The following KPNA7 variants were observed in gnomAD, a reference collection of about 807,000 sequenced individuals.
The protein encoded by KPNA7 is karyopherin subunit alpha 7, also known as importin subunit alpha-8.
In KPNA7, 54 loss-of-function variants were observed where a neutral mutation model predicts 53.7. The observed-to-expected ratio is 1.01, with a 90% CI of 0.81 to 1.26. The LOEUF (loss-of-function observed/expected upper bound fraction) is 1.26. Among genes scored for constraint, KPNA7 ranks in the 50% most tolerant of loss-of-function variants. The pLI is 0.00. For synonymous variants in KPNA7, 276 were observed against 259.3 expected (o/e 1.06, Z -0.62); for missense variants, 640 against 644.5 (o/e 0.99, Z 0.07).
In KPNA7 at chr7:99,181,023, G is replaced by GTCTCTCTC. The variant is rs1554462254; in HGVS notation, c.1317+859_1317+860insGAGAGAGA. Among the ~76,000 whole-genome samples, 4 of 3,350 alleles carry GTCTCTCTC rather than the reference G, an allele frequency of 1.2e-3. 1 individual carries two copies. Among genetic ancestry groups the GTCTCTCTC allele is most frequent in the Admixed American group, 5.9e-3 (2 of 338 alleles). The allele number at this position is 3,350 out of a possible 152,430, so 2.2% of individuals were successfully genotyped here. A position where few individuals can be genotyped will look rare whatever the true frequency, so the allele number is the denominator to read the frequency against. ...TCTGTCTCTCTCTCTCTGTGTGTGT[G>GTCTCTCTC]TCTCTCTGTGTGTGTCTCTCTCTCT... On this transcript the variant is annotated intron_variant, in intron 9 of 10. Transcript: ENST00000327442.
intron 1 of KPNA7, among the ~76,000 whole-genome samples, chr7:99,215,569 C>T (rs1364931762): frequency 2.0e-5 from 3 of 149,736 alleles, no homozygotes; most frequent in East Asian, 4.0e-4. Flanking sequence ...GCAAACCCAG[C>T]GGCAGAGCAG....
At chr7:99,147,148 A>G in the KPNA7 span, among the ~76,000 whole-genome samples, 2 of 152,320 alleles carry the variant, frequency 1.3e-5, no homozygotes, top group East Asian at 3.9e-4. Flanking sequence ...TACAAAATAA[A>G]TCTATTACAG....
At chr7:99,162,798 C>T in the KPNA7 span, among the ~76,000 whole-genome samples, 2 of 152,250 alleles carry the variant, frequency 1.3e-5, no homozygotes, top group African/African-American at 2.4e-5. Flanking sequence ...CACCTTTCCA[C>T]CTCCCTTCAA....
Position 99,187,799 on chromosome 7 carries a change from TAAAAAAAAAAAAAAAA to T in KPNA7, c.900+485_900+500del, listed in dbSNP as rs55867906. On this transcript the variant is annotated intron_variant, in intron 7 of 10. Coordinates refer to ENST00000327442, the MANE Select transcript of KPNA7 (RefSeq NM_001145715.3). ...AGCCACCGTGCCCGGCCTTTTTTTT[TAAAAAAAAAAAAAAAA>T]AAAAAAAAAAAAAAAAAAAACCCAC... 8.6e-4 allele frequency among the ~76,000 whole-genome samples: 56 copies of T among 65,100 alleles called. 4 individuals are homozygous for T. The highest frequency in any genetic ancestry group is 1.4e-3 in the African/African-American group (17 of 12,332). The allele number at this position is 65,100 out of a possible 152,430, so 42.7% of individuals were successfully genotyped here.
rs765119464 is a variant in KPNA7 at position 99,203,233 on chromosome 7, C to T, written c.74G>A (p.Arg25Gln). 3.3e-5 allele frequency: 51 copies of T among 1,550,978 alleles called. No individual in the cohort carries two copies. Among genetic ancestry groups the T allele is most frequent in the Admixed American group, 9.8e-5 (5 of 50,956 alleles). Residue 25 changes from arginine to glutamine, a missense_variant, in exon 3 of 11, where the codon CGA becomes CAA. By Grantham distance (43) the Arg-to-Gln change is conservative. Coordinates refer to ENST00000327442, the MANE Select transcript of KPNA7 (RefSeq NM_001145715.3). Reference sequence around the variant, plus strand: ...CAGACTGACCGCCATCCTCTGCTGTCGCCTCAGCTAGTGAGGAAAAGAAAT... The same window carrying T: ...CAGACTGACCGCCATCCTCTGCTGTTGCCTCAGCTAGTGAGGAAAAGAAAT... ...KYRGKDVSLR[R>Q]QQRMAVSLEL... is the part of the protein sequence containing the mutation.
Position 99,180,749 on chromosome 7 carries a change from C to G in KPNA7, c.1317+1134G>C, listed in dbSNP as rs1373738703. ...TGTGTCTCTCTCTCTCCCCGTGTCT[C>G]TCTCTCTCTCCCCGTCTGTGTCTCT... On this transcript the variant is annotated intron_variant, in intron 9 of 10. Transcript: ENST00000327442. Among the ~76,000 whole-genome samples the G allele has an allele frequency of 2.5e-5, 3 of 118,582 alleles. 1 individual carries two copies. Among genetic ancestry groups the G allele is most frequent in the African/African-American group, 3.6e-5 (1 of 27,834 alleles). 77.8% of individuals were successfully genotyped at this position (118,582 alleles called of 152,430 possible).
chr7:99,179,586 A>G (rs1214094147), intron 9 of KPNA7, among the ~76,000 whole-genome samples: 1 of 150,844 alleles, frequency 6.6e-6, no homozygotes, highest in Non-Finnish European at 1.5e-5. Context: ...TATTATTTAT[A>G]TTTTTATTTA....
the KPNA7 span, among the ~76,000 whole-genome samples, chr7:99,153,975 A>G: frequency 2.8e-3 from 424 of 152,180 alleles, 2 homozygotes; most frequent in African/African-American, 9.8e-3. Context: ...AAAAGAAAAA[A>G]AAGTTTCCAT....
chr7:99,152,398 A>T, the KPNA7 span, among the ~76,000 whole-genome samples: 1 of 152,110 alleles, frequency 6.6e-6, no homozygotes, highest in East Asian at 1.9e-4. Context: ...GAAAAAGAAA[A>T]AAAAAAGTAA....
intron 7 of KPNA7, among the ~76,000 whole-genome samples, chr7:99,187,949 G>A (rs568840222): frequency 6.6e-6 from 1 of 151,426 alleles, no homozygotes; most frequent in African/African-American, 2.4e-5. Flanking sequence ...GCCGAGGCAG[G>A]AGGATCACCT....
At chr7:99,208,170 G>A (rs1384624143), upstream of KPNA7, among the ~76,000 whole-genome samples, 2 of 150,822 alleles carry the variant, frequency 1.3e-5, no homozygotes, top group Non-Finnish European at 2.9e-5. Flanking sequence ...TTGACCTCCT[G>A]GACTCAAGTG....
chr7:99,180,450 G>A (rs138149683), intron 9 of KPNA7, among the ~76,000 whole-genome samples: 55 of 151,982 alleles, frequency 3.6e-4, no homozygotes, highest in African/African-American at 1.3e-3. Flanking sequence ...TGCAGTGAGC[G>A]AGGATCACAG....
the KPNA7 span, among the ~76,000 whole-genome samples, chr7:99,167,110 CCT>C: frequency 6.6e-6 from 1 of 152,240 alleles, no homozygotes; most frequent in African/African-American, 2.4e-5. Context: ...CCAACCTCAG[CCT>C]CTCATACCCC....
At chr7:99,152,145 C>T in the KPNA7 span, among the ~76,000 whole-genome samples, 1 of 152,122 alleles carries the variant, frequency 6.6e-6, no homozygotes, top group Non-Finnish European at 1.5e-5. Context: ...GATCACACCA[C>T]TGCACCCCAG....
chr7:99,176,314 AAAGAAAG>A (rs1563063767), intron 10 of KPNA7, among the ~76,000 whole-genome samples: 3,403 of 71,882 alleles, frequency 0.047, 112 homozygotes, highest in East Asian at 0.17. Context: ...AAAAAAAAAG[AAAGAAAG>A]AAAGAAAGAA....
At chr7:99,187,551 G>C (rs1266106507) in intron 7 of KPNA7, among the ~76,000 whole-genome samples, 6 of 118,922 alleles carry the variant, frequency 5.0e-5, no homozygotes, top group African/African-American at 1.9e-4. Context: ...ACCACACCCA[G>C]CTAATTTTTT....
chr7:99,161,382 C>A, the KPNA7 span, among the ~76,000 whole-genome samples: 1 of 152,108 alleles, frequency 6.6e-6, no homozygotes, highest in Non-Finnish European at 1.5e-5. Flanking sequence ...CACTGAAGAA[C>A]TGAAACCCTC....
At chr7:99,204,852 T>C (rs1790714799) in intron 2 of KPNA7, among the ~76,000 whole-genome samples, 1 of 152,064 alleles carries the variant, frequency 6.6e-6, no homozygotes. Flanking sequence ...CAAGACCGTG[T>C]ATCAAATAAT....
chr7:99,155,898 A>T, the KPNA7 span, among the ~76,000 whole-genome samples: 1 of 152,080 alleles, frequency 6.6e-6, no homozygotes, highest in African/African-American at 2.4e-5. Flanking sequence ...ATCATCTGGC[A>T]TCTTAGCCAT....
Sources: gnomAD v4.1 joint callset for allele counts (sites outside exome capture counted in the v4.1 genomes callset) on GRCh38, gnomAD v4.1.1 for gene constraint, MANE v1.5 for transcripts, NCBI Gene and HGNC (gene_info 2026-07-23, HGNC 2026-07-21) for gene names.